Variants in PDE4D observed in about 807,000 individuals in gnomAD.
The protein encoded by PDE4D is 3',5'-cyclic-AMP phosphodiesterase 4D.
PDE4D carries 24 observed loss-of-function variants against 87.4 expected under a neutral mutation model. The observed-to-expected ratio is 0.27, with a 90% confidence interval of 0.20 to 0.39. The LOEUF is 0.39. Among genes scored for constraint, PDE4D ranks in the 10% least tolerant of loss-of-function variants. The pLI, the probability that PDE4D is intolerant of heterozygous loss-of-function variation, is 1.00. For missense variants in PDE4D, 714 were observed against 1,041.0 expected (o/e 0.69, Z 4.32); for synonymous variants, 384 against 383.2 (o/e 1.00, Z -0.02).
intron 1 of PDE4D, among the ~76,000 whole-genome samples, chr5:59,805,156 C>A (rs1417356548): frequency 6.6e-6 from 1 of 152,028 alleles, no homozygotes; most frequent in Admixed American, 6.5e-5. Context: ...ATGTAATGAC[C>A]CTGTGTGTAT....
intron 1 of PDE4D, among the ~76,000 whole-genome samples, chr5:59,833,614 A>G (rs1407373535): frequency 4.6e-5 from 7 of 152,036 alleles, no homozygotes; most frequent in African/African-American, 1.7e-4. Flanking sequence ...TTTCTCCTCC[A>G]GGCATTATCC....
intron 2 of PDE4D, among the ~76,000 whole-genome samples, chr5:60,043,440 A>G (rs1562014490): frequency 6.6e-6 from 1 of 152,178 alleles, no homozygotes; most frequent in Non-Finnish European, 1.5e-5. Context: ...CAGGAAATAC[A>G]GAGAACACCA....
Position 59,458,597 on chromosome 5 carries a change from A to G in PDE4D, c.456-242629T>C, listed in dbSNP as rs549301696. Reference sequence around the variant, plus strand: ...GTTGTTGAACTGCTTTGCATGTTAAAAAATAACACATTTTGGGAATTAACT... The same window carrying G: ...GTTGTTGAACTGCTTTGCATGTTAAGAAATAACACATTTTGGGAATTAACT... On this transcript the variant is annotated intron_variant, in intron 1 of 14. Transcript: ENST00000340635. 2.0e-5 allele frequency among the ~76,000 whole-genome samples: 3 copies of G among 152,332 alleles called. No individual in the cohort carries two copies. In the East Asian group the frequency reaches 5.8e-4, roughly 29 times the overall value.
intron 1 of PDE4D, among the ~76,000 whole-genome samples, chr5:60,318,048 C>T (rs1472024624): frequency 2.0e-5 from 3 of 152,098 alleles, no homozygotes; most frequent in Admixed American, 6.5e-5. Flanking sequence ...TCCTTGTTAA[C>T]TTTCTGTCTC....
At chr5:59,768,571 G>A in intron 1 of PDE4D, 2 of 1,582,840 alleles carry the variant, frequency 1.3e-6, no homozygotes, top group Non-Finnish European at 1.7e-6. Flanking sequence ...CTCGCTCACG[G>A]TCCCGGAAAT....
intron 1 of PDE4D, among the ~76,000 whole-genome samples, chr5:60,399,601 G>A (rs186962857): frequency 9.8e-5 from 15 of 152,302 alleles, no homozygotes; most frequent in Admixed American, 3.9e-4. Flanking sequence ...CTTCAAATCC[G>A]GGGCCAGTGG....
intron 1 of PDE4D, among the ~76,000 whole-genome samples, chr5:59,330,676 C>CT (rs930398880): frequency 2.6e-5 from 4 of 152,054 alleles, no homozygotes; most frequent in African/African-American, 9.7e-5. Context: ...AAAATAATGT[C>CT]TTTTAGTTTA....
chr5:59,368,128 C>G (rs887953588), intron 1 of PDE4D, among the ~76,000 whole-genome samples: 1 of 152,202 alleles, frequency 6.6e-6, no homozygotes, highest in Non-Finnish European at 1.5e-5. Context: ...GAGTAACACA[C>G]AGACTTGACA....
At chr5:59,096,516 G>A (rs1461605549) in intron 5 of PDE4D, among the ~76,000 whole-genome samples, 2 of 152,120 alleles carry the variant, frequency 1.3e-5, no homozygotes, top group Non-Finnish European at 2.9e-5. Context: ...TTGACTGATT[G>A]GTTCAGGAGA....
At chr5:60,078,488 G>A (rs1418807689) in intron 2 of PDE4D, among the ~76,000 whole-genome samples, 2 of 151,988 alleles carry the variant, frequency 1.3e-5, no homozygotes, top group Non-Finnish European at 2.9e-5. Flanking sequence ...GTATATGTGT[G>A]CTATGGTGGT....
At chr5:59,241,209 G>A (rs1413013264) in intron 1 of PDE4D, among the ~76,000 whole-genome samples, 5 of 152,134 alleles carry the variant, frequency 3.3e-5, no homozygotes, top group African/African-American at 1.2e-4. Flanking sequence ...AGATCCTATT[G>A]AAGTTAAATA....
At chr5:59,630,152 A>G (rs1190617214) in intron 1 of PDE4D, among the ~76,000 whole-genome samples, 2 of 152,220 alleles carry the variant, frequency 1.3e-5, no homozygotes, top group African/African-American at 4.8e-5. Context: ...GTATGGAGAT[A>G]CATACACTTT....
intron 1 of PDE4D, among the ~76,000 whole-genome samples, chr5:60,325,047 A>C (rs1478871794): frequency 1.3e-5 from 2 of 152,232 alleles, no homozygotes; most frequent in Non-Finnish European, 2.9e-5. Flanking sequence ...ACAGCATTTC[A>C]AAAAGAATTG....
At chr5:59,537,149 G>T (rs190995493) in intron 1 of PDE4D, among the ~76,000 whole-genome samples, 24 of 152,302 alleles carry the variant, frequency 1.6e-4, no homozygotes, top group Admixed American at 1.5e-3. Flanking sequence ...TAGAGTAAAA[G>T]AATTCAGAGG....
chr5:59,858,582 T>G (rs1745803716), intron 1 of PDE4D, among the ~76,000 whole-genome samples: 1 of 151,982 alleles, frequency 6.6e-6, no homozygotes, highest in Non-Finnish European at 1.5e-5. Flanking sequence ...AGAAGAAAGA[T>G]GAGAGAGAAT....
intron 6 of PDE4D, among the ~76,000 whole-genome samples, chr5:59,009,107 T>G (rs542907695): frequency 9.2e-4 from 140 of 152,242 alleles, no homozygotes; most frequent in Non-Finnish European, 1.3e-3. Context: ...CAAATTAAAT[T>G]CTCATACATT....
intron 2 of PDE4D, among the ~76,000 whole-genome samples, chr5:60,035,496 C>T (rs1767696751): frequency 1.3e-5 from 2 of 152,196 alleles, no homozygotes; most frequent in Non-Finnish European, 2.9e-5. Context: ...AAGAGCCAAA[C>T]TCTGTATGCT....
intron 1 of PDE4D, among the ~76,000 whole-genome samples, chr5:60,205,266 A>G (rs1033208733): frequency 2.6e-5 from 4 of 152,164 alleles, no homozygotes; most frequent in African/African-American, 9.7e-5. Flanking sequence ...ATGGGGTGCC[A>G]CCTGTGAGAC....
At chr5:59,820,207 A>G (rs1769472062) in intron 1 of PDE4D, among the ~76,000 whole-genome samples, 1 of 152,138 alleles carries the variant, frequency 6.6e-6, no homozygotes. Flanking sequence ...TCTTCAAGAC[A>G]ATGTTATTAT....
Sources: allele counts gnomAD v4.1 joint callset (sites outside exome capture counted in the v4.1 genomes callset), GRCh38; gene constraint gnomAD v4.1.1; transcripts MANE v1.5; gene names NCBI Gene and HGNC (gene_info 2026-07-23, HGNC 2026-07-21).